The following LIMA1 variants were observed in gnomAD, a reference collection of about 807,000 sequenced individuals.
LIMA1 encodes LIM domain and actin binding 1, also known as LIM domain and actin-binding protein 1.
Under a neutral mutation model 62.6 loss-of-function variants are expected in LIMA1, and 52 were observed. The observed-to-expected ratio is 0.83, with a 90% CI of 0.67 to 1.05. LIMA1 has a LOEUF of 1.05. Among genes scored for constraint, LIMA1 ranks in the 50% least tolerant of loss-of-function variants. LIMA1 has a pLI of 0.00. For missense variants in LIMA1, 780 were observed against 902.2 expected, an observed-to-expected ratio of 0.86 and a Z score of 1.74; for synonymous variants, 302 against 317.8, an observed-to-expected ratio of 0.95 and a Z score of 0.53.
At chr12:50,219,080 A>T (rs1471484796) in intron 4 of LIMA1, among the ~76,000 whole-genome samples, 4 of 152,222 alleles carry the variant, frequency 2.6e-5, no homozygotes, top group Non-Finnish European at 4.4e-5. Context: ...AGATTCAAAA[A>T]GTAGCAGTTG....
chr12:50,219,373 T>TATG (rs1941404395), intron 4 of LIMA1, among the ~76,000 whole-genome samples: 1 of 152,034 alleles, frequency 6.6e-6, no homozygotes, highest in South Asian at 2.1e-4. Flanking sequence ...TAATCCCAGC[T>TATG]ATTTGGGAGG....
At chr12:50,269,922 TAAAAAAAAAAA>T (rs1172694068) in intron 1 of LIMA1, among the ~76,000 whole-genome samples, 2 of 94,738 alleles carry the variant, frequency 2.1e-5, no homozygotes, top group African/African-American at 4.0e-5. Flanking sequence ...CTCCGTCAAA[TAAAAAAAAAAA>T]AAAAAAAAAA....
chr12:50,231,651 T>C lies in LIMA1; in HGVS notation c.165+14A>G. On this transcript the variant is annotated intron_variant, in intron 3 of 10. Coordinates refer to ENST00000341247, the MANE Select transcript of LIMA1 (RefSeq NM_016357.5). ...CAAGAAGTGCCACATGCCCTGGAAT[T>C]TCTGAATACTTACACTTCTCTTCTT... is the stretch of plus-strand genomic sequence containing the variant. 1 of 1,610,476 alleles carries C rather than the reference T, an allele frequency of 6.2e-7. No homozygotes were observed. Among genetic ancestry groups the C allele is most frequent in the Non-Finnish European group, 8.5e-7 (1 of 1,179,476 alleles).
At chr12:50,276,882 AT>A (rs1942281650) in intron 1 of LIMA1, among the ~76,000 whole-genome samples, 2 of 152,122 alleles carry the variant, frequency 1.3e-5, no homozygotes, top group South Asian at 2.1e-4. Flanking sequence ...AAAAAAAAAA[AT>A]CTATAGATAA....
At chr12:50,194,710 T>C (rs1243013502) in intron 8 of LIMA1, among the ~76,000 whole-genome samples, 1 of 152,108 alleles carries the variant, frequency 6.6e-6, no homozygotes, top group Non-Finnish European at 1.5e-5. Context: ...GAGACCAACC[T>C]GGGCAACAAA....
At chr12:50,239,540 T>C (rs1941742950) in intron 2 of LIMA1, among the ~76,000 whole-genome samples, 1 of 152,134 alleles carries the variant, frequency 6.6e-6, no homozygotes, top group Admixed American at 6.6e-5. Flanking sequence ...ACTCGGAGAC[T>C]GAGGTGGGAG....
At chr12:50,246,854 A>T (rs1267517848) in intron 2 of LIMA1, among the ~76,000 whole-genome samples, 1 of 152,220 alleles carries the variant, frequency 6.6e-6, no homozygotes, top group Non-Finnish European at 1.5e-5. Context: ...CCACAAGTCC[A>T]TCCCTTCCAC....
At chr12:50,225,274 A>G (rs1213637653) in intron 3 of LIMA1, among the ~76,000 whole-genome samples, 1 of 152,148 alleles carries the variant, frequency 6.6e-6, no homozygotes, top group East Asian at 1.9e-4. Flanking sequence ...TAAAAAAGTA[A>G]TAACTTATTG....
At chr12:50,264,308 T>C (rs1165583040) in intron 1 of LIMA1, among the ~76,000 whole-genome samples, 1 of 152,196 alleles carries the variant, frequency 6.6e-6, no homozygotes, top group African/African-American at 2.4e-5. Context: ...TGCACAACTG[T>C]GTGACCATAT....
intron 7 of LIMA1, among the ~76,000 whole-genome samples, chr12:50,197,743 A>G (rs1940961958): frequency 6.6e-6 from 1 of 152,124 alleles, no homozygotes; most frequent in South Asian, 2.1e-4. Flanking sequence ...TTCCCAAACT[A>G]TGCTCCTGGG....
intron 1 of LIMA1, among the ~76,000 whole-genome samples, chr12:50,250,138 A>T (rs1941908391): frequency 6.6e-6 from 1 of 151,948 alleles, no homozygotes; most frequent in African/African-American, 2.4e-5. Flanking sequence ...GTCTCTACTG[A>T]AAACACAAAA....
chr12:50,201,604 A>G (rs1592514160), intron 6 of LIMA1: 4 of 872,598 alleles, frequency 4.6e-6, no homozygotes, highest in African/African-American at 3.6e-5. Flanking sequence ...TACATCTAAA[A>G]TCAACATAGA....
chr12:50,235,464 C>T (rs979021312), intron 2 of LIMA1, among the ~76,000 whole-genome samples: 1 of 151,554 alleles, frequency 6.6e-6, no homozygotes, highest in Non-Finnish European at 1.5e-5. Context: ...CGGGTTTCAC[C>T]AAGTTTGCCA....
chr12:50,210,430 A>AAAAAAAAG (rs1565842061), intron 4 of LIMA1, among the ~76,000 whole-genome samples: 7 of 151,694 alleles, frequency 4.6e-5, no homozygotes, highest in Admixed American at 1.3e-4. Flanking sequence ...AAAAAAAAAA[A>AAAAAAAAG]AAAAAGAAAA....
chr12:50,206,163 G>T, intron 4 of LIMA1, 95 bp from the exon 5 acceptor site: 3 of 890,422 alleles, frequency 3.4e-6, no homozygotes, highest in Non-Finnish European at 3.4e-6. Flanking sequence ...ATAAAATCCA[G>T]ATTTGATTTT....
chr12:50,263,162 T>A (rs879366592), intron 1 of LIMA1, among the ~76,000 whole-genome samples: 1 of 152,234 alleles, frequency 6.6e-6, no homozygotes, highest in Non-Finnish European at 1.5e-5. Flanking sequence ...CCAGGTCTGT[T>A]GCTGAATTTA....
At chr12:50,221,143 A>T (rs1367284264) in intron 4 of LIMA1, among the ~76,000 whole-genome samples, 1 of 151,612 alleles carries the variant, frequency 6.6e-6, no homozygotes, top group African/African-American at 2.4e-5. Context: ...TATTTAGCTT[A>T]AAAAAAATCC....
chr12:50,198,913 T>G (rs768586148), intron 7 of LIMA1, among the ~76,000 whole-genome samples: 2 of 152,206 alleles, frequency 1.3e-5, no homozygotes, highest in Non-Finnish European at 2.9e-5. Context: ...TTTCAGTGGC[T>G]TTCTCCTGCT....
Position 50,177,477 on chromosome 12 carries a change from C to CA in LIMA1, c.1866dup (p.Glu623Ter), listed in dbSNP as rs1298336379. On this transcript the variant is annotated frameshift_variant, in exon 11 of 11. Coordinates refer to ENST00000341247, the MANE Select transcript of LIMA1 (RefSeq NM_016357.5). LOFTEE classifies it low-confidence loss of function (END_TRUNC). ...GCAACTCTTCCACCCACAGACTCTT[C>CA]ACTCTGCTCTGACATGCTCCAGCCT... The CA allele has an allele frequency of 1.2e-6, 2 of 1,613,962 alleles. No homozygotes were observed. The highest frequency in any genetic ancestry group is 2.7e-5 in the African/African-American group (2 of 74,930).
Sources: gnomAD v4.1 joint callset for allele counts (sites outside exome capture counted in the v4.1 genomes callset) on GRCh38, gnomAD v4.1.1 for gene constraint, MANE v1.5 for transcripts, NCBI Gene and HGNC (gene_info 2026-07-23, HGNC 2026-07-21) for gene names.